BAIAP2L1: variants seen among roughly 807,000 people sequenced by gnomAD.
The protein encoded by BAIAP2L1 is BAR/IMD domain-containing adapter protein 2-like 1.
In BAIAP2L1, 35 loss-of-function variants were observed where a neutral mutation model predicts 66.3. The observed-to-expected ratio is 0.53, with a 90% CI of 0.40 to 0.70. The LOEUF (loss-of-function observed/expected upper bound fraction) is 0.70, where lower values mean the gene tolerates loss of function less well. BAIAP2L1 is among the 30% of genes least tolerant of loss of function. The pLI is 0.00. For synonymous variants in BAIAP2L1, 269 were observed against 248.7 expected (o/e 1.08, Z -0.77); for missense variants, 622 against 656.9 (o/e 0.95, Z 0.58).
intron 1 of BAIAP2L1, among the ~76,000 whole-genome samples, chr7:98,378,681 C>G (rs6961790): frequency 0.4 from 61,383 of 151,928 alleles, 13,359 homozygotes; most frequent in Middle Eastern, 0.55. Context: ...TGTCGCGCAG[C>G]CTGGAGTACA....
chr7:98,331,651 A>G (rs1425144310), intron 3 of BAIAP2L1, among the ~76,000 whole-genome samples: 1 of 151,908 alleles, frequency 6.6e-6, no homozygotes, highest in Non-Finnish European at 1.5e-5. Context: ...TATTTTTAGT[A>G]GAGATGGGGT....
At chr7:98,310,622 T>A in intron 8 of BAIAP2L1, 30 bp from the exon 9 acceptor site, 2 of 1,528,416 alleles carry the variant, frequency 1.3e-6, no homozygotes, top group South Asian at 2.5e-5. Flanking sequence ...AGTCCAATAT[T>A]AGTATAGTGC....
At chr7:98,377,255 T>C (rs1241120279) in intron 1 of BAIAP2L1, among the ~76,000 whole-genome samples, 1 of 152,236 alleles carries the variant, frequency 6.6e-6, no homozygotes, top group East Asian at 1.9e-4. Flanking sequence ...TACGAGCTTC[T>C]GCTAATGACG....
chr7:98,391,196 T>C lies in BAIAP2L1; in HGVS notation c.51+9606A>G, dbSNP rs1584507621. On this transcript the variant is annotated intron_variant, in intron 1 of 13. Transcript: ENST00000005260. ...GGGCATCTTCACCCACCTGCTGTTC[T>C]CTCAAAAGCACAAGCACTCTAGGAG... 3.3e-5 allele frequency among the ~76,000 whole-genome samples: 5 copies of C among 152,188 alleles called. No homozygotes were observed. The South Asian group carries it at 1.0e-3, about 32-fold the overall frequency.
chr7:98,358,855 G>A (rs1802200494), intron 2 of BAIAP2L1, among the ~76,000 whole-genome samples: 1 of 152,136 alleles, frequency 6.6e-6, no homozygotes. Context: ...GGCCTTCCAG[G>A]AATCACACCT....
At position 98,380,078 on chromosome 7, in the gene BAIAP2L1, C is replaced by CTTT. The variant is rs113115306; in HGVS notation, c.52-17649_52-17647dup. 1.1e-4 allele frequency among the ~76,000 whole-genome samples: 15 copies of CTTT among 140,366 alleles called. 1 individual carries two copies. The highest frequency in any genetic ancestry group is 2.9e-4 in the African/African-American group (11 of 38,102). 92.1% of individuals were successfully genotyped at this position (140,366 alleles called of 152,430 possible). A position where few individuals can be genotyped will look rare whatever the true frequency, so the allele number is the denominator to read the frequency against. The stretch of plus-strand genomic sequence containing the variant: ...ACGTATAAATTACACCTCAAAAATG[C>CTTT]TTTTTTTTTTTTTTTGAGATAGGGA... On this transcript the variant is annotated intron_variant, in intron 1 of 13. Coordinates refer to ENST00000005260, the MANE Select transcript of BAIAP2L1 (RefSeq NM_018842.5).
intron 2 of BAIAP2L1, among the ~76,000 whole-genome samples, chr7:98,359,515 C>T (rs564677282): frequency 6.6e-6 from 1 of 152,300 alleles, no homozygotes; most frequent in East Asian, 1.9e-4. Flanking sequence ...TCGTGATCCG[C>T]CCGCTTCGGC....
chr7:98,396,276 C>G (rs1001603539), intron 1 of BAIAP2L1, among the ~76,000 whole-genome samples: 14 of 151,940 alleles, frequency 9.2e-5, no homozygotes, highest in African/African-American at 3.4e-4. Flanking sequence ...ACTACATTAC[C>G]CAGGCTGGCC....
At chr7:98,329,747 G>A (rs1801451382) in intron 3 of BAIAP2L1, among the ~76,000 whole-genome samples, 1 of 150,956 alleles carries the variant, frequency 6.6e-6, no homozygotes, top group Admixed American at 6.6e-5. Flanking sequence ...CTTCCAAAAG[G>A]CATCCCAGGA....
intron 1 of BAIAP2L1, among the ~76,000 whole-genome samples, chr7:98,392,989 G>A (rs886586251): frequency 2.0e-5 from 3 of 149,394 alleles, no homozygotes; most frequent in African/African-American, 7.4e-5. Flanking sequence ...ATATATATAT[G>A]TAATTTTTGT....
intron 1 of BAIAP2L1, among the ~76,000 whole-genome samples, chr7:98,384,527 G>A (rs12539761): frequency 0.23 from 34,357 of 151,926 alleles, 4,424 homozygotes; most frequent in East Asian, 0.45. Flanking sequence ...ACTGGGTTAC[G>A]TTGTTTAGAA....
At chr7:98,295,326 G>T (rs895457746) in intron 12 of BAIAP2L1, among the ~76,000 whole-genome samples, 1 of 152,114 alleles carries the variant, frequency 6.6e-6, no homozygotes, top group East Asian at 1.9e-4. Flanking sequence ...CAGGGCATCT[G>T]GGGCCAATTC....
chr7:98,295,071 G>A (rs537506555), intron 12 of BAIAP2L1, among the ~76,000 whole-genome samples: 1 of 152,324 alleles, frequency 6.6e-6, no homozygotes, highest in Non-Finnish European at 1.5e-5. Flanking sequence ...CCCAGGAAGC[G>A]TCCCAGCACC....
chr7:98,345,292 G>C (rs1194987401), intron 3 of BAIAP2L1, among the ~76,000 whole-genome samples: 1 of 152,140 alleles, frequency 6.6e-6, no homozygotes, highest in Non-Finnish European at 1.5e-5. Context: ...TGACTCTCAA[G>C]AACTTCAAGC....
intron 1 of BAIAP2L1, chr7:98,399,944 G>A (rs1803313529): frequency 6.6e-6 from 1 of 152,168 alleles, no homozygotes; most frequent in African/African-American, 2.4e-5. Context: ...CTAAGGAGGA[G>A]GGCGTTTCCC....
Position 98,348,038 on chromosome 7 carries a change from A to G in BAIAP2L1, c.214+7004T>C, listed in dbSNP as rs142051916. ...GCATTAGGAGAAATATCTAATGTAG[A>G]TGACCGGTTAATGGGTACAGCAAAC... On this transcript the variant is annotated intron_variant, in intron 3 of 13. Transcript: ENST00000005260. Among the ~76,000 whole-genome samples the G allele has an allele frequency of 1.1e-4, 17 of 152,240 alleles. No homozygotes were observed. In the East Asian group the frequency reaches 3.3e-3, roughly 29 times the overall value.
intron 12 of BAIAP2L1, among the ~76,000 whole-genome samples, chr7:98,300,597 C>G (rs1054145255): frequency 2.0e-5 from 3 of 152,212 alleles, no homozygotes; most frequent in African/African-American, 7.2e-5. Flanking sequence ...CAGCGGCTGC[C>G]ATTCTTCTGT....
chr7:98,353,084 A>C (rs1217630877), intron 3 of BAIAP2L1, among the ~76,000 whole-genome samples: 1 of 151,896 alleles, frequency 6.6e-6, no homozygotes, highest in Non-Finnish European at 1.5e-5. Flanking sequence ...TATTAAATTC[A>C]TTGTGCTTAG....
intron 12 of BAIAP2L1, among the ~76,000 whole-genome samples, chr7:98,301,683 G>A (rs570744671): frequency 6.6e-6 from 1 of 152,154 alleles, no homozygotes; most frequent in Admixed American, 6.6e-5. Context: ...GTGTGCACAC[G>A]CGCGTCTGTG....
Sources: gnomAD v4.1 joint callset for allele counts (sites outside exome capture counted in the v4.1 genomes callset) on GRCh38, gnomAD v4.1.1 for gene constraint, MANE v1.5 for transcripts, NCBI Gene and HGNC (gene_info 2026-07-23, HGNC 2026-07-21) for gene names.